IMMP2L: variants seen among roughly 807,000 people sequenced by gnomAD.
IMMP2L encodes inner mitochondrial membrane peptidase subunit 2.
A neutral mutation model predicts 19.3 loss-of-function variants in IMMP2L; 18 were observed. The ratio of observed to expected loss-of-function variants is 0.93; its 90% confidence interval spans 0.64 to 1.38. The LOEUF (loss-of-function observed/expected upper bound fraction) is 1.38, where lower values mean the gene tolerates loss of function less well. IMMP2L is among the 40% of genes most tolerant of loss of function. The probability of loss-of-function intolerance (pLI) is 0.00; values close to 1 mark genes in which losing one functional copy is unlikely to be tolerated. For synonymous variants in IMMP2L, 76 were observed against 73.0 expected (o/e 1.04, Z -0.21); for missense variants, 233 against 218.2 (o/e 1.07, Z -0.43).
chr7:111,272,322 C>G (rs1261226016), intron 3 of IMMP2L, among the ~76,000 whole-genome samples: 1 of 152,154 alleles, frequency 6.6e-6, no homozygotes, highest in Non-Finnish European at 1.5e-5. Context: ...GCTTTTTTAG[C>G]AAACTCCTCA....
chr7:111,293,767 CT>C (rs1036936731), intron 3 of IMMP2L, among the ~76,000 whole-genome samples: 2 of 151,816 alleles, frequency 1.3e-5, no homozygotes, highest in Admixed American at 6.6e-5. Context: ...CCTTATACAC[CT>C]TATCTCATTT....
intron 5 of IMMP2L, among the ~76,000 whole-genome samples, chr7:110,837,285 A>C (rs1804586735): frequency 6.6e-6 from 1 of 151,912 alleles, no homozygotes; most frequent in South Asian, 2.1e-4. Flanking sequence ...TTTAGGAGAG[A>C]AGAAAGGGAG....
chr7:111,243,515 T>TTC lies in IMMP2L; in HGVS notation c.239+243722_239+243723insGA, dbSNP rs1554409651. Among the ~76,000 whole-genome samples, 16 of 1,338 alleles carry TTC rather than the reference T, an allele frequency of 0.012. No homozygotes were observed. In the South Asian group the frequency reaches 0.28, roughly 23 times the overall value. The allele number at this position is 1,338 out of a possible 152,430, so 0.9% of individuals were successfully genotyped here. ...CAACTCTATATTTCTTGTTGCTTTA[T>TTC]TTTTTTTTTTTTTATTATACTCTAA... On this transcript the variant is annotated intron_variant, in intron 3 of 5. Coordinates refer to ENST00000405709, the MANE Select transcript of IMMP2L (RefSeq NM_032549.4).
intron 3 of IMMP2L, among the ~76,000 whole-genome samples, chr7:110,992,469 T>C (rs966762217): frequency 2.6e-5 from 4 of 152,100 alleles, no homozygotes; most frequent in African/African-American, 9.6e-5. Context: ...GCATCAATAA[T>C]GCTATCGGTC....
At chr7:110,749,869 A>C (rs1797617047) in intron 5 of IMMP2L, among the ~76,000 whole-genome samples, 1 of 152,144 alleles carries the variant, frequency 6.6e-6, no homozygotes, top group Non-Finnish European at 1.5e-5. Context: ...CACATTCTGC[A>C]CATGTACTTC....
At chr7:110,899,693 A>T (rs1339004106) in intron 4 of IMMP2L, among the ~76,000 whole-genome samples, 1 of 152,064 alleles carries the variant, frequency 6.6e-6, no homozygotes, top group East Asian at 1.9e-4. Flanking sequence ...AATATAGGAC[A>T]TTTTTGTTTT....
intron 4 of IMMP2L, among the ~76,000 whole-genome samples, chr7:110,946,718 C>CTTTTTTTT (rs754971058): frequency 1.4e-4 from 16 of 114,164 alleles, no homozygotes; most frequent in African/African-American, 2.1e-4. Flanking sequence ...CATTTAATAC[C>CTTTTTTTT]TTTTTTTTTT....
intron 4 of IMMP2L, among the ~76,000 whole-genome samples, chr7:110,891,025 G>A (rs1200541380): frequency 6.6e-6 from 1 of 151,820 alleles, no homozygotes; most frequent in Non-Finnish European, 1.5e-5. Flanking sequence ...ATTCATGATT[G>A]ATTTAAGGTA....
chr7:111,194,180 G>T (rs1323259185), intron 3 of IMMP2L, among the ~76,000 whole-genome samples: 4 of 152,202 alleles, frequency 2.6e-5, no homozygotes, highest in Non-Finnish European at 4.4e-5. Flanking sequence ...AGCCCCTGAA[G>T]AGCAAGAACC....
chr7:111,307,815 G>C (rs1357789950), intron 3 of IMMP2L, among the ~76,000 whole-genome samples: 1 of 151,498 alleles, frequency 6.6e-6, no homozygotes, highest in Non-Finnish European at 1.5e-5. Flanking sequence ...TGATATACTA[G>C]CTCATGGGGC....
At chr7:111,150,993 G>A (rs1197492824) in intron 3 of IMMP2L, among the ~76,000 whole-genome samples, 1 of 152,162 alleles carries the variant, frequency 6.6e-6, no homozygotes, top group African/African-American at 2.4e-5. Flanking sequence ...GAACTGCTCT[G>A]TCTGCCTGTG....
chr7:111,419,131 T>A (rs1835232838), intron 3 of IMMP2L, among the ~76,000 whole-genome samples: 2 of 151,826 alleles, frequency 1.3e-5, no homozygotes, highest in Admixed American at 1.3e-4. Flanking sequence ...ATTGCCTTAC[T>A]TGCTGCTGCC....
At chr7:111,523,356 A>C (rs180860940) in intron 1 of IMMP2L, among the ~76,000 whole-genome samples, 14 of 152,232 alleles carry the variant, frequency 9.2e-5, no homozygotes, top group African/African-American at 2.9e-4. Flanking sequence ...CACAATGTAC[A>C]TGTACTTCAA....
In IMMP2L at chr7:111,005,414, C is replaced by T. The variant is rs184948042; in HGVS notation, c.240-41849G>A. ...GAATTTGTGTTGACCTATATGTAAA[C>T]TTAAGGTCCAAATTAATTACACAGA... On this transcript the variant is annotated intron_variant, in intron 3 of 5. Transcript: ENST00000405709. 2.4e-3 allele frequency among the ~76,000 whole-genome samples: 369 copies of T among 152,254 alleles called. 1 individual carries two copies. Among genetic ancestry groups the T allele is most frequent in the African/African-American group, 8.4e-3 (348 of 41,568 alleles).
chr7:110,815,045 A>G (rs1268849782), intron 5 of IMMP2L, among the ~76,000 whole-genome samples: 1 of 151,968 alleles, frequency 6.6e-6, no homozygotes, highest in Non-Finnish European at 1.5e-5. Context: ...TAGGAGTACA[A>G]TATAATAAAT....
chr7:110,828,931 T>C (rs1225445978), intron 5 of IMMP2L, among the ~76,000 whole-genome samples: 4 of 152,078 alleles, frequency 2.6e-5, no homozygotes, highest in East Asian at 1.9e-4. Flanking sequence ...CTATAATGAG[T>C]ATAAGTTCTG....
At chr7:111,474,345 T>A (rs1227519306) in intron 3 of IMMP2L, among the ~76,000 whole-genome samples, 1 of 152,126 alleles carries the variant, frequency 6.6e-6, no homozygotes, top group African/African-American at 2.4e-5. Flanking sequence ...TTACTTTTTT[T>A]AAAGTCCACA....
chr7:110,762,046 C>G (rs1798379605), intron 5 of IMMP2L, among the ~76,000 whole-genome samples: 1 of 152,128 alleles, frequency 6.6e-6, no homozygotes, highest in Non-Finnish European at 1.5e-5. Flanking sequence ...TCTCTAACAG[C>G]CATCATCCCT....
At chr7:110,904,228 CT>C (rs1348298897) in intron 4 of IMMP2L, among the ~76,000 whole-genome samples, 1 of 152,058 alleles carries the variant, frequency 6.6e-6, no homozygotes, top group Non-Finnish European at 1.5e-5. Flanking sequence ...TGATTGTTTC[CT>C]TTGCTCTGTA....
Sources: gnomAD v4.1 joint callset for allele counts (sites outside exome capture counted in the v4.1 genomes callset) on GRCh38, gnomAD v4.1.1 for gene constraint, MANE v1.5 for transcripts, NCBI Gene and HGNC (gene_info 2026-07-23, HGNC 2026-07-21) for gene names.